DNAH8: variants seen among roughly 807,000 people sequenced by gnomAD.
DNAH8 encodes the protein dynein axonemal heavy chain 8, also known as axonemal beta dynein heavy chain 8.
DNAH8 carries 382 observed loss-of-function variants against 562.1 expected under a neutral mutation model. That is an observed-to-expected ratio of 0.68 (90% CI 0.63 to 0.74). The LOEUF is 0.74. DNAH8 is among the 30% of genes least tolerant of loss of function. DNAH8 has a pLI of 0.00. For missense variants in DNAH8, 5,203 were observed against 5,620.4 expected (o/e 0.93, Z 2.37); for synonymous variants, 1,881 against 1,919.4 (o/e 0.98, Z 0.52).
chr6:38,951,082 T>C (rs2150634412), intron 81 of DNAH8, among the ~76,000 whole-genome samples: 1 of 152,276 alleles, frequency 6.6e-6, no homozygotes, highest in South Asian at 2.1e-4. Flanking sequence ...TAGAGGACAC[T>C]GTGTTGTTAT....
At chr6:38,792,761 T>TA (rs1769876216) in intron 21 of DNAH8, among the ~76,000 whole-genome samples, 1 of 152,198 alleles carries the variant, frequency 6.6e-6, no homozygotes, top group Admixed American at 6.5e-5. Flanking sequence ...ATTCAAGACA[T>TA]ACATTTATGT....
At chr6:38,771,704 A>G (rs1767593189) in intron 12 of DNAH8, among the ~76,000 whole-genome samples, 1 of 152,196 alleles carries the variant, frequency 6.6e-6, no homozygotes, top group South Asian at 2.1e-4. Context: ...CATCTATATT[A>G]TACCATTTTT....
chr6:38,730,470 A>G (rs1338690060), intron 4 of DNAH8, among the ~76,000 whole-genome samples: 1 of 152,160 alleles, frequency 6.6e-6, no homozygotes, highest in African/African-American at 2.4e-5. Context: ...TAATAACTAG[A>G]TATGTGGGTT....
At chr6:39,023,665 G>A (rs922956570) in intron 91 of DNAH8, among the ~76,000 whole-genome samples, 1 of 152,120 alleles carries the variant, frequency 6.6e-6, no homozygotes, top group Non-Finnish European at 1.5e-5. Context: ...AAGAAAGATG[G>A]CCATTCATTT....
At chr6:38,920,957 C>T (rs1223473451) in intron 70 of DNAH8, among the ~76,000 whole-genome samples, 22 of 152,168 alleles carry the variant, frequency 1.4e-4, no homozygotes, top group East Asian at 7.7e-4. Flanking sequence ...GTGTTGCGAT[C>T]ACAGCTCACT....
chr6:38,715,644 A>G (rs993432465), intron 1 of DNAH8, among the ~76,000 whole-genome samples: 3 of 149,908 alleles, frequency 2.0e-5, no homozygotes, highest in Non-Finnish European at 4.4e-5. Flanking sequence ...CTTCACACCC[A>G]CTCCCCGTTT....
At chr6:38,936,893 G>A (rs374700956) in intron 77 of DNAH8, among the ~76,000 whole-genome samples, 7 of 152,134 alleles carry the variant, frequency 4.6e-5, no homozygotes, top group Non-Finnish European at 8.8e-5. Context: ...GCTGCTGTTC[G>A]CAGATATGGG....
Position 38,887,975 on chromosome 6 carries a change from T to C in DNAH8, c.8473+971T>C, listed in dbSNP as rs182339249. Among the ~76,000 whole-genome samples the C allele has an allele frequency of 7.6e-3, 1,162 of 152,010 alleles. 7 individuals are homozygous for C. Among genetic ancestry groups the C allele is most frequent in the South Asian group, 0.026 (125 of 4,796 alleles). On this transcript the variant is annotated intron_variant, in intron 57 of 92. Transcript: ENST00000327475. ...CCTCAGCCTCCCAATTAGCTGGGAT[T>C]ACAGGCGCCTGCCACCACACCCGGC...
chr6:38,745,731 G>A (rs1166190526), intron 8 of DNAH8, among the ~76,000 whole-genome samples: 1 of 152,094 alleles, frequency 6.6e-6, no homozygotes, highest in Non-Finnish European at 1.5e-5. Flanking sequence ...CAGTTCCTTA[G>A]TCTGTAGTTA....
Position 38,917,539 on chromosome 6 carries a change from A to G in DNAH8, c.10308+133A>G, listed in dbSNP as rs1314785256. On this transcript the variant is annotated intron_variant, in intron 69 of 92. Transcript: ENST00000327475. The stretch of plus-strand genomic sequence containing the variant: ...TATTGAAAAGTTTATCTTAAACTCC[A>G]TCACCTAAAATGTAAAGAGGGATAG... 4.0e-6 allele frequency: 3 copies of G among 742,440 alleles called. No individual in the cohort carries two copies. The African/African-American group carries it at 5.3e-5, about 13-fold the overall frequency. 46.0% of individuals were successfully genotyped at this position (742,440 alleles called of 1,614,324 possible). A position where few individuals can be genotyped will look rare whatever the true frequency, so the allele number is the denominator to read the frequency against.
At chr6:39,006,071 G>A (rs1020227021) in intron 88 of DNAH8, among the ~76,000 whole-genome samples, 3 of 152,196 alleles carry the variant, frequency 2.0e-5, no homozygotes, top group African/African-American at 4.8e-5. Flanking sequence ...CTGCAATCTC[G>A]AGGAAGTTAA....
intron 89 of DNAH8, among the ~76,000 whole-genome samples, chr6:39,009,282 A>C (rs964900040): frequency 6.8e-6 from 1 of 146,740 alleles, no homozygotes; most frequent in Admixed American, 7.0e-5. Context: ...ATCAATTTCT[A>C]TGATACCTTA....
chr6:38,813,047 T>A (rs1399769217), intron 24 of DNAH8, among the ~76,000 whole-genome samples: 1 of 152,194 alleles, frequency 6.6e-6, no homozygotes, highest in Non-Finnish European at 1.5e-5. Flanking sequence ...TCTCTCTTTG[T>A]ATTTTGCACC....
At chr6:38,887,428 T>C (rs1238254228) in intron 57 of DNAH8, among the ~76,000 whole-genome samples, 2 of 152,218 alleles carry the variant, frequency 1.3e-5, no homozygotes, top group African/African-American at 2.4e-5. Flanking sequence ...TCAAAACTTA[T>C]GTGTAGGTCA....
intron 91 of DNAH8, among the ~76,000 whole-genome samples, chr6:39,025,286 T>C (rs1767199517): frequency 6.6e-6 from 1 of 152,250 alleles, no homozygotes; most frequent in Admixed American, 6.5e-5. Context: ...TAGTTAACTT[T>C]GTTCACGCCT....
Position 38,908,061 on chromosome 6 carries a change from TATGA to T in DNAH8, c.9457_9460del (p.Glu3153ThrfsTer28). On this transcript the variant is annotated frameshift_variant, in exon 64 of 93. Coordinates refer to ENST00000327475, the MANE Select transcript of DNAH8 (RefSeq NM_001206927.2). LOFTEE classifies it high-confidence loss of function. ...CCATCCTCCTACCTTTGATAATTTG[TATGA>T]ATACTTCATTTCAAGATCAAGGAAG... 6.2e-7 allele frequency: 1 copy of T among 1,610,354 alleles called. No homozygotes were observed. The highest frequency in any genetic ancestry group is 8.5e-7 in the Non-Finnish European group (1 of 1,178,246).
rs544867592 is a variant in DNAH8 at position 38,796,595 on chromosome 6, A to T, written c.2901+4921A>T. Among the ~76,000 whole-genome samples the T allele has an allele frequency of 4.6e-5, 7 of 152,274 alleles. No individual in the cohort carries two copies. In the East Asian group the frequency reaches 1.3e-3, roughly 29 times the overall value. On this transcript the variant is annotated intron_variant, in intron 21 of 92. Coordinates refer to ENST00000327475, the MANE Select transcript of DNAH8 (RefSeq NM_001206927.2). The stretch of plus-strand genomic sequence containing the variant: ...GACCCCTGACCTAACTGGTTATGTT[A>T]TCTATAGATTCCAGACATTGTATGG...
intron 53 of DNAH8, among the ~76,000 whole-genome samples, chr6:38,879,484 A>G (rs547226250): frequency 2.0e-5 from 3 of 152,368 alleles, no homozygotes. Context: ...TAAGCAAGCC[A>G]TAAACAGTCA....
At chr6:38,774,552 A>G (rs75998436) in intron 12 of DNAH8, among the ~76,000 whole-genome samples, 4,888 of 152,250 alleles carry the variant, frequency 0.032, 250 homozygotes, top group African/African-American at 0.11. Flanking sequence ...TTGAAGGGCA[A>G]GCATGGGACT....
Sources: gnomAD v4.1 joint callset for allele counts (sites outside exome capture counted in the v4.1 genomes callset) on GRCh38, gnomAD v4.1.1 for gene constraint, MANE v1.5 for transcripts, NCBI Gene and HGNC (gene_info 2026-07-23, HGNC 2026-07-21) for gene names.